CNTN1: variants seen among roughly 807,000 people sequenced by gnomAD.
CNTN1 encodes contactin-1.
Under a neutral mutation model 126.4 loss-of-function variants are expected in CNTN1, and 38 were observed. The ratio of observed to expected loss-of-function variants is 0.30; its 90% confidence interval spans 0.23 to 0.39. CNTN1 has a LOEUF of 0.39. Among genes scored for constraint, CNTN1 ranks in the 10% least tolerant of loss-of-function variants. CNTN1 has a pLI of 1.00. For synonymous variants in CNTN1, 413 were observed against 422.6 expected (o/e 0.98, Z 0.28); for missense variants, 1,009 against 1,248.4 (o/e 0.81, Z 2.89).
At chr12:41,041,438 T>A (rs1949406846) in intron 23 of CNTN1, among the ~76,000 whole-genome samples, 1 of 152,162 alleles carries the variant, frequency 6.6e-6, no homozygotes, top group Admixed American at 6.6e-5. Context: ...ATAAAATGAG[T>A]TAGGGAGGAT....
chr12:40,834,672 A>T lies in CNTN1; in HGVS notation c.-76-73685A>T, dbSNP rs75376990. ...AAAAGAAATAGATCAGTATGAGGGC[A>T]TCCAAGCTCCAGAACAAATCGACAA... On this transcript the variant is annotated intron_variant, in intron 1 of 23. Transcript: ENST00000551295. Among the ~76,000 whole-genome samples, 410 of 152,312 alleles carry T rather than the reference A, an allele frequency of 2.7e-3. 12 individuals carry two copies. In the East Asian group the frequency reaches 0.058, roughly 21 times the overall value.
At chr12:40,969,189 G>C (rs1947410684) in intron 15 of CNTN1, among the ~76,000 whole-genome samples, 1 of 152,098 alleles carries the variant, frequency 6.6e-6, no homozygotes, top group South Asian at 2.1e-4. Context: ...ACTATGCAGT[G>C]CTTTCTTGAG....
chr12:40,780,703 A>AAT (rs397969536), intron 1 of CNTN1, among the ~76,000 whole-genome samples: 19 of 149,822 alleles, frequency 1.3e-4, no homozygotes, highest in Non-Finnish European at 2.8e-4. Context: ...AAAAAAAAAA[A>AAT]CACCAATCCT....
chr12:40,809,674 G>A (rs897234322), intron 1 of CNTN1, among the ~76,000 whole-genome samples: 30 of 152,158 alleles, frequency 2.0e-4, no homozygotes, highest in Non-Finnish European at 3.4e-4. Flanking sequence ...AAATTAGCCA[G>A]GTGTGGTGGT....
intron 1 of CNTN1, among the ~76,000 whole-genome samples, chr12:40,907,874 T>C (rs1218472872): frequency 6.6e-6 from 1 of 152,260 alleles, no homozygotes; most frequent in African/African-American, 2.4e-5. Context: ...GCTAACATCA[T>C]CACCCTTGTG....
chr12:40,933,963 G>T, intron 9 of CNTN1, 85 bp downstream of exon 9: 1 of 1,026,136 alleles, frequency 9.7e-7, no homozygotes, highest in Non-Finnish European at 1.5e-6. Context: ...ACTATATAAT[G>T]ATTAATGGTT....
At chr12:40,749,906 G>A (rs1391851629) in intron 1 of CNTN1, among the ~76,000 whole-genome samples, 2 of 152,008 alleles carry the variant, frequency 1.3e-5, no homozygotes, top group African/African-American at 4.8e-5. Flanking sequence ...TTTTACGTAT[G>A]TGGTTAGGAA....
chr12:40,772,201 A>T (rs181507511), intron 1 of CNTN1, among the ~76,000 whole-genome samples: 1 of 152,162 alleles, frequency 6.6e-6, no homozygotes, highest in African/African-American at 2.4e-5. Flanking sequence ...TTCGGAATAA[A>T]GTTGTTTCTA....
At chr12:40,844,146 C>T (rs1185034316) in intron 1 of CNTN1, among the ~76,000 whole-genome samples, 1 of 141,010 alleles carries the variant, frequency 7.1e-6, no homozygotes, top group East Asian at 2.3e-4. Context: ...CAGCTCACCG[C>T]AACCTCCGCC....
chr12:40,776,906 C>T (rs1396558179), intron 1 of CNTN1, among the ~76,000 whole-genome samples: 2 of 151,576 alleles, frequency 1.3e-5, no homozygotes, highest in Non-Finnish European at 3.0e-5. Context: ...TTTCTCTGGC[C>T]ACACTTTTAT....
At chr12:40,733,459 A>G (rs556482548) in intron 1 of CNTN1, among the ~76,000 whole-genome samples, 5 of 152,024 alleles carry the variant, frequency 3.3e-5, no homozygotes, top group Non-Finnish European at 7.4e-5. Context: ...ATTATTCTCA[A>G]AAGTGTTCAG....
chr12:40,966,173 T>G (rs1415464930), intron 15 of CNTN1, among the ~76,000 whole-genome samples: 1 of 151,990 alleles, frequency 6.6e-6, no homozygotes, highest in Non-Finnish European at 1.5e-5. Flanking sequence ...AAACACACAT[T>G]TACCTCAGAT....
chr12:40,842,086 T>A (rs934518260), intron 1 of CNTN1, among the ~76,000 whole-genome samples: 1 of 152,082 alleles, frequency 6.6e-6, no homozygotes, highest in African/African-American at 2.4e-5. Context: ...AACCCTAATC[T>A]AAGTTAAGTT....
At chr12:40,905,217 T>G (rs1944765564) in intron 1 of CNTN1, among the ~76,000 whole-genome samples, 1 of 152,242 alleles carries the variant, frequency 6.6e-6, no homozygotes, top group African/African-American at 2.4e-5. Flanking sequence ...GTCTGTATTT[T>G]ATTTTCAATT....
Position 40,858,167 on chromosome 12 carries a change from C to T in CNTN1, c.-76-50190C>T, listed in dbSNP as rs1942980448. ...TTGCTGTCAGCTCTGAGAGGTCACT[C>T]CCTATTCTTTGCCCTTCTCACTGCA... On this transcript the variant is annotated intron_variant, in intron 1 of 23. Transcript: ENST00000551295. Among the ~76,000 whole-genome samples the T allele has an allele frequency of 3.3e-5, 5 of 152,194 alleles. No individual in the cohort carries two copies. In the South Asian group the frequency reaches 1.0e-3, roughly 32 times the overall value.
chr12:40,928,842 A>G (rs1403300255), intron 6 of CNTN1, among the ~76,000 whole-genome samples: 1 of 152,046 alleles, frequency 6.6e-6, no homozygotes, highest in Non-Finnish European at 1.5e-5. Context: ...CAAAATAGCC[A>G]TTTGTCATGA....
intron 1 of CNTN1, among the ~76,000 whole-genome samples, chr12:40,743,731 G>T (rs1183546553): frequency 6.6e-6 from 1 of 151,856 alleles, no homozygotes; most frequent in Non-Finnish European, 1.5e-5. Flanking sequence ...CTCCCATTTT[G>T]TAGGTTGTCT....
At chr12:41,064,274 G>T (rs1028381570) in intron 23 of CNTN1, among the ~76,000 whole-genome samples, 2 of 152,046 alleles carry the variant, frequency 1.3e-5, no homozygotes, top group African/African-American at 2.4e-5. Flanking sequence ...GCTCCAGTGT[G>T]CCTGTAAAAC....
intron 1 of CNTN1, among the ~76,000 whole-genome samples, chr12:40,893,642 T>C (rs1405219617): frequency 6.6e-6 from 1 of 152,130 alleles, no homozygotes; most frequent in Non-Finnish European, 1.5e-5. Flanking sequence ...CCTTATTTTG[T>C]TTCTTTTAGT....
Sources: gnomAD v4.1 joint callset for allele counts (sites outside exome capture counted in the v4.1 genomes callset) on GRCh38, gnomAD v4.1.1 for gene constraint, MANE v1.5 for transcripts, NCBI Gene and HGNC (gene_info 2026-07-23, HGNC 2026-07-21) for gene names.